The following GLIS3 variants were observed in gnomAD, a reference collection of about 807,000 sequenced individuals.
GLIS3 encodes the protein zinc finger protein GLIS3.
Under a neutral mutation model 78.6 loss-of-function variants are expected in GLIS3, and 53 were observed. The ratio of observed to expected loss-of-function variants is 0.67; its 90% CI spans 0.54 to 0.85. The LOEUF is 0.85. Ranked by LOEUF, GLIS3 falls within the 40% of genes least tolerant of loss-of-function variation. The pLI is 0.00. For synonymous variants in GLIS3, 684 were observed against 509.9 expected (o/e 1.34, Z -4.60); for missense variants, 1,703 against 1,231.1 (o/e 1.38, Z -5.74).
chr9:4,174,325 G>A (rs1236187652), intron 2 of GLIS3, among the ~76,000 whole-genome samples: 2 of 152,050 alleles, frequency 1.3e-5, no homozygotes. Flanking sequence ...AATATTGCTT[G>A]GACATGCCAA....
At chr9:4,355,478 G>C in the GLIS3 span, among the ~76,000 whole-genome samples, 3 of 152,176 alleles carry the variant, frequency 2.0e-5, no homozygotes, top group African/African-American at 4.8e-5. Context: ...AAATAGACAA[G>C]TTTCCTTTGA....
intron 4 of GLIS3, among the ~76,000 whole-genome samples, chr9:4,021,324 T>C (rs1024722234): frequency 1.3e-5 from 2 of 152,222 alleles, no homozygotes; most frequent in African/African-American, 4.8e-5. Context: ...TAACATTTTA[T>C]ATGTGGTTTT....
intron 4 of GLIS3, among the ~76,000 whole-genome samples, chr9:4,110,372 T>G (rs1831112146): frequency 6.6e-6 from 1 of 152,198 alleles, no homozygotes; most frequent in Non-Finnish European, 1.5e-5. Flanking sequence ...AGAAACTGGT[T>G]ATATCATGTT....
intron 2 of GLIS3, among the ~76,000 whole-genome samples, chr9:4,324,404 G>T (rs907251472): frequency 6.6e-6 from 1 of 152,226 alleles, no homozygotes; most frequent in South Asian, 2.1e-4. Context: ...CAGTAAAATG[G>T]TATTAATAAT....
At chr9:4,124,191 GA>G (rs1045426435) in intron 3 of GLIS3, among the ~76,000 whole-genome samples, 8 of 148,578 alleles carry the variant, frequency 5.4e-5, no homozygotes, top group East Asian at 2.0e-4. Flanking sequence ...TGCTCATCCT[GA>G]AAAAAAAAAT....
intron 7 of GLIS3, among the ~76,000 whole-genome samples, chr9:3,881,311 C>G (rs968660048): frequency 2.1e-4 from 32 of 151,798 alleles, no homozygotes; most frequent in African/African-American, 7.5e-4. Flanking sequence ...AATGTGAGTT[C>G]TCCTATTTAT....
chr9:4,177,176 C>G (rs966477760), intron 2 of GLIS3, among the ~76,000 whole-genome samples: 2 of 151,124 alleles, frequency 1.3e-5, no homozygotes, highest in East Asian at 3.9e-4. Flanking sequence ...AAAACAAAAT[C>G]ACCATTGCTT....
chr9:3,906,346 G>A (rs1823698460), intron 6 of GLIS3, among the ~76,000 whole-genome samples: 1 of 152,278 alleles, frequency 6.6e-6, no homozygotes, highest in Admixed American at 6.5e-5. Context: ...ACGGCTTGAG[G>A]GAACCAGAGG....
chr9:4,435,583 T>C, the GLIS3 span, among the ~76,000 whole-genome samples: 1 of 152,190 alleles, frequency 6.6e-6, no homozygotes, highest in Admixed American at 6.5e-5. Context: ...TAAAGACAGA[T>C]TTATCACTCC....
At chr9:3,926,238 T>G (rs574830396) in intron 6 of GLIS3, among the ~76,000 whole-genome samples, 22 of 149,512 alleles carry the variant, frequency 1.5e-4, no homozygotes, top group Admixed American at 4.6e-4. Context: ...CTTTTGTTTT[T>G]TTTTTTTTCT....
intron 4 of GLIS3, among the ~76,000 whole-genome samples, chr9:4,098,048 A>C (rs1830095851): frequency 6.6e-6 from 1 of 152,238 alleles, no homozygotes; most frequent in Non-Finnish European, 1.5e-5. Context: ...TCACACTGAA[A>C]GGCACATAGA....
chr9:4,110,549 T>C (rs1831124744), intron 4 of GLIS3, among the ~76,000 whole-genome samples: 1 of 152,172 alleles, frequency 6.6e-6, no homozygotes, highest in Non-Finnish European at 1.5e-5. Context: ...TTCCACTTTC[T>C]CACCAAACCC....
intron 6 of GLIS3, among the ~76,000 whole-genome samples, chr9:3,918,667 T>C (rs1296283117): frequency 1.3e-5 from 2 of 152,218 alleles, no homozygotes; most frequent in Admixed American, 6.5e-5. Context: ...AACTTGCTAG[T>C]GTGTAACCTA....
the GLIS3 span, among the ~76,000 whole-genome samples, chr9:4,357,084 T>G: frequency 6.6e-6 from 1 of 152,234 alleles, no homozygotes; most frequent in East Asian, 1.9e-4. Context: ...AAAAGTTCTA[T>G]TTTAGTTTCA....
At chr9:3,879,882 A>C (rs1023753142) in intron 7 of GLIS3, among the ~76,000 whole-genome samples, 1 of 152,044 alleles carries the variant, frequency 6.6e-6, no homozygotes, top group Non-Finnish European at 1.5e-5. Context: ...ATAATTAGTC[A>C]GTCTTGTACT....
the GLIS3 span, among the ~76,000 whole-genome samples, chr9:4,401,744 A>G: frequency 6.6e-6 from 1 of 150,530 alleles, no homozygotes; most frequent in South Asian, 2.1e-4. Flanking sequence ...GGTGCATGCT[A>G]CCATGCCCAG....
At chr9:4,050,520 AAG>A (rs1825674125) in intron 4 of GLIS3, among the ~76,000 whole-genome samples, 2 of 152,276 alleles carry the variant, frequency 1.3e-5, no homozygotes, top group East Asian at 3.9e-4. Flanking sequence ...TGGGTGCAGC[AAG>A]CCAACATGGC....
the GLIS3 span, among the ~76,000 whole-genome samples, chr9:4,417,710 A>C: frequency 1.3e-5 from 2 of 152,216 alleles, no homozygotes; most frequent in African/African-American, 2.4e-5. Flanking sequence ...CAAAAAGGTC[A>C]TCTAATGTTA....
intron 2 of GLIS3, among the ~76,000 whole-genome samples, chr9:4,321,955 T>G (rs1274072855): frequency 3.3e-5 from 5 of 152,174 alleles, no homozygotes; most frequent in Non-Finnish European, 7.3e-5. Context: ...TGTATACAAG[T>G]GCAGTGTTGG....
Sources: gnomAD v4.1 joint callset for allele counts (sites outside exome capture counted in the v4.1 genomes callset) on GRCh38, gnomAD v4.1.1 for gene constraint, MANE v1.5 for transcripts, NCBI Gene and HGNC (gene_info 2026-07-23, HGNC 2026-07-21) for gene names.